Variants in ENOX1 observed in about 807,000 individuals in gnomAD.
The protein encoded by ENOX1 is candidate growth-related and time keeping constitutive hydroquinone (NADH) oxidase.
In ENOX1, 42 loss-of-function variants were observed where a neutral mutation model predicts 82.5. The ratio of observed to expected loss-of-function variants is 0.51; its 90% CI spans 0.40 to 0.66. ENOX1 has a LOEUF of 0.66. Among genes scored for constraint, ENOX1 ranks in the 30% least tolerant of loss-of-function variants. The probability of loss-of-function intolerance (pLI) is 0.00; values close to 1 mark genes in which losing one functional copy is unlikely to be tolerated. For missense variants in ENOX1, 608 were observed against 811.6 expected, an observed-to-expected ratio of 0.75 and a Z score of 3.05; for synonymous variants, 271 against 282.2, an observed-to-expected ratio of 0.96 and a Z score of 0.40.
chr13:43,713,237 C>T (rs2153814582), intron 1 of ENOX1, among the ~76,000 whole-genome samples: 1 of 152,266 alleles, frequency 6.6e-6, no homozygotes, highest in East Asian at 1.9e-4. Context: ...GTATATTGAA[C>T]CAGCCTTGCA....
At chr13:43,392,019 T>C (rs1368936423) in intron 5 of ENOX1, among the ~76,000 whole-genome samples, 2 of 151,904 alleles carry the variant, frequency 1.3e-5, no homozygotes, top group East Asian at 3.9e-4. Context: ...TCCAAGCGAG[T>C]CAAGCTCCTT....
intron 1 of ENOX1, among the ~76,000 whole-genome samples, chr13:43,688,447 A>T (rs1417300652): frequency 6.6e-6 from 1 of 152,174 alleles, no homozygotes; most frequent in African/African-American, 2.4e-5. Context: ...GGCAAAATTT[A>T]TCTGCAAAGG....
chr13:43,671,523 C>T (rs1468338240), intron 1 of ENOX1, among the ~76,000 whole-genome samples: 4 of 152,180 alleles, frequency 2.6e-5, no homozygotes, highest in African/African-American at 4.8e-5. Context: ...TCTATTTGTT[C>T]CCATGATACT....
At chr13:43,404,042 C>T (rs1301862654) in intron 5 of ENOX1, among the ~76,000 whole-genome samples, 7 of 152,112 alleles carry the variant, frequency 4.6e-5, no homozygotes, top group Non-Finnish European at 1.0e-4. Context: ...TCTACCTCTG[C>T]CATCCCTTTT....
intron 5 of ENOX1, among the ~76,000 whole-genome samples, chr13:43,370,096 G>A (rs375803561): frequency 5.9e-5 from 9 of 152,292 alleles, no homozygotes; most frequent in African/African-American, 2.2e-4. Context: ...GGCCGGGCGC[G>A]GTGGCTCATG....
intron 1 of ENOX1, among the ~76,000 whole-genome samples, chr13:43,779,491 G>T (rs1176176767): frequency 6.6e-6 from 1 of 152,204 alleles, no homozygotes; most frequent in Non-Finnish European, 1.5e-5. Flanking sequence ...CCCAGGTGGG[G>T]AATAGGAGGT....
intron 1 of ENOX1, among the ~76,000 whole-genome samples, chr13:43,732,666 CT>C (rs1331804445): frequency 6.6e-6 from 1 of 152,192 alleles, no homozygotes; most frequent in Non-Finnish European, 1.5e-5. Context: ...GATATGTTGC[CT>C]CTTAAATCTT....
At chr13:43,287,387 G>A (rs1369214140) in intron 12 of ENOX1, among the ~76,000 whole-genome samples, 1 of 152,164 alleles carries the variant, frequency 6.6e-6, no homozygotes, top group Non-Finnish European at 1.5e-5. Flanking sequence ...TCACACTTGT[G>A]AGTAGCTTTT....
At chr13:43,734,485 C>T (rs554042358) in intron 1 of ENOX1, among the ~76,000 whole-genome samples, 1 of 152,316 alleles carries the variant, frequency 6.6e-6, no homozygotes, top group African/African-American at 2.4e-5. Context: ...TACTTTTCCA[C>T]CTGAAAGTAT....
chr13:43,542,134 T>G (rs557050169), intron 2 of ENOX1, among the ~76,000 whole-genome samples: 1 of 152,262 alleles, frequency 6.6e-6, no homozygotes, highest in East Asian at 1.9e-4. Flanking sequence ...CATAAGTGTC[T>G]TCTTCTTTTT....
At chr13:43,623,071 C>T (rs1007921112) in intron 2 of ENOX1, among the ~76,000 whole-genome samples, 2 of 152,104 alleles carry the variant, frequency 1.3e-5, no homozygotes, top group South Asian at 4.1e-4. Context: ...TTACCCAGCT[C>T]CCACACAAAC....
In ENOX1 at chr13:43,730,797, T is replaced by C. The variant is rs79657664; in HGVS notation, c.-285+55855A>G. Among the ~76,000 whole-genome samples, 1,305 of 152,318 alleles carry C rather than the reference T, an allele frequency of 8.6e-3. 6 individuals are homozygous for C. Among genetic ancestry groups the C allele is most frequent in the Non-Finnish European group, 0.013 (889 of 68,030 alleles). ...CTCCCTGCAATGTCTGTGCAGCTTC[T>C]GACCTGTGTGTTTTTGCTCCAGCTG... On this transcript the variant is annotated intron_variant, in intron 1 of 16. Coordinates refer to ENST00000690772, the MANE Select transcript of ENOX1 (RefSeq NM_001347969.2).
At chr13:43,549,648 T>C (rs1045267556) in intron 2 of ENOX1, among the ~76,000 whole-genome samples, 1 of 152,236 alleles carries the variant, frequency 6.6e-6, no homozygotes, top group Non-Finnish European at 1.5e-5. Context: ...ACTTAAAATA[T>C]ACTAACTGCA....
chr13:43,329,304 A>G (rs1026801925), intron 9 of ENOX1, among the ~76,000 whole-genome samples: 3 of 152,178 alleles, frequency 2.0e-5, no homozygotes, highest in South Asian at 2.1e-4. Context: ...ATTAAGGCAG[A>G]GGCTCTGGCA....
intron 8 of ENOX1, among the ~76,000 whole-genome samples, chr13:43,349,495 C>A (rs1430184029): frequency 2.0e-5 from 3 of 152,114 alleles, no homozygotes; most frequent in African/African-American, 4.8e-5. Context: ...CTTTGTTAAC[C>A]CCCTTCCTTC....
chr13:43,760,096 T>C (rs1950879103), intron 1 of ENOX1, among the ~76,000 whole-genome samples: 1 of 152,212 alleles, frequency 6.6e-6, no homozygotes, highest in African/African-American at 2.4e-5. Context: ...ACAATAAGAC[T>C]CTCTTCCCTA....
intron 1 of ENOX1, among the ~76,000 whole-genome samples, chr13:43,683,971 G>A (rs1467979486): frequency 1.3e-5 from 2 of 151,784 alleles, no homozygotes; most frequent in Non-Finnish European, 2.9e-5. Flanking sequence ...GTCTGTAAAG[G>A]AAGCAACTTT....
At chr13:43,414,451 T>G (rs2054322587) in intron 3 of ENOX1, among the ~76,000 whole-genome samples, 1 of 152,214 alleles carries the variant, frequency 6.6e-6, no homozygotes, top group Non-Finnish European at 1.5e-5. Flanking sequence ...AGAACCTGCA[T>G]GTGTATTGTG....
intron 2 of ENOX1, among the ~76,000 whole-genome samples, chr13:43,632,489 A>G (rs779956035): frequency 6.6e-6 from 1 of 151,816 alleles, no homozygotes; most frequent in African/African-American, 2.4e-5. Context: ...CTTGTTGCCC[A>G]GGCTGGAGTG....
Sources: allele counts gnomAD v4.1 joint callset (sites outside exome capture counted in the v4.1 genomes callset), GRCh38; gene constraint gnomAD v4.1.1; transcripts MANE v1.5; gene names NCBI Gene and HGNC (gene_info 2026-07-23, HGNC 2026-07-21).